CD4: variants seen among roughly 807,000 people sequenced by gnomAD.
The protein encoded by CD4 is T-cell surface glycoprotein CD4.
A neutral mutation model predicts 50.5 loss-of-function variants in CD4; 25 were observed. The observed-to-expected ratio is 0.49, with a 90% CI of 0.36 to 0.69. The LOEUF (loss-of-function observed/expected upper bound fraction) is 0.69, where lower values mean the gene tolerates loss of function less well. Ranked by LOEUF, CD4 falls within the 30% of genes least tolerant of loss-of-function variation. CD4 has a pLI of 0.00. For missense variants in CD4, 456 were observed against 548.5 expected (o/e 0.83, Z 1.68); for synonymous variants, 207 against 221.9 (o/e 0.93, Z 0.60).
Position 6,819,424 on chromosome 12 carries a change from C to A in CD4, c.*95C>A. 8.8e-7 allele frequency: 1 copy of A among 1,138,798 alleles called. No individual in the cohort carries two copies. Among genetic ancestry groups the A allele is most frequent in the Non-Finnish European group, 1.3e-6 (1 of 750,348 alleles). The allele number at this position is 1,138,798 out of a possible 1,614,324, so 70.5% of individuals were successfully genotyped here. A position where few individuals can be genotyped will look rare whatever the true frequency, so the allele number is the denominator to read the frequency against. On this transcript the variant is annotated 3_prime_UTR_variant, in exon 10 of 10. Transcript: ENST00000011653. ...CAGATGAATGTAGCAGATCCCCAGCCTCTGGCCTCCTGTTCGCCTCCTCTA... is the reference window on the plus strand; with the variant it reads ...CAGATGAATGTAGCAGATCCCCAGCATCTGGCCTCCTGTTCGCCTCCTCTA...
At chr12:6,793,970 A>ATATCTATATCTATC (rs1555114032) in intron 1 of CD4, among the ~76,000 whole-genome samples, 1 of 133,850 alleles carries the variant, frequency 7.5e-6, no homozygotes, top group Non-Finnish European at 1.6e-5. Context: ...CTATCTATCT[A>ATATCTATATCTATC]TATCTATCTA....
chr12:6,803,391 T>C (rs10128761), intron 3 of CD4, among the ~76,000 whole-genome samples: 45,835 of 149,666 alleles, frequency 0.31, 7,538 homozygotes, highest in Non-Finnish European at 0.37. Context: ...TCAAGTGATC[T>C]ACCCACCTTG....
intron 3 of CD4, among the ~76,000 whole-genome samples, chr12:6,806,964 G>GAGACCATCCTGGCTA (rs1555116270): frequency 6.6e-6 from 1 of 152,120 alleles, no homozygotes; most frequent in East Asian, 1.9e-4. Flanking sequence ...TCAGGAGATC[G>GAGACCATCCTGGCTA]AGACCATCCT....
At chr12:6,796,504 C>G (rs972923825) in intron 1 of CD4, among the ~76,000 whole-genome samples, 1 of 152,226 alleles carries the variant, frequency 6.6e-6, no homozygotes, top group Non-Finnish European at 1.5e-5. Context: ...TTCAAAGACA[C>G]TTGAGCCCTG....
chr12:6,811,586 G>A lies in CD4; in HGVS notation c.215-2556G>A, dbSNP rs1443303655. ...TGGCTCACTGCAATCTCCACCTCCCGGGTTCAAGCCATTCTCCTCCCTCAG... is the reference window on the plus strand; with the variant it reads ...TGGCTCACTGCAATCTCCACCTCCCAGGTTCAAGCCATTCTCCTCCCTCAG... On this transcript the variant is annotated intron_variant, in intron 3 of 9. Transcript: ENST00000011653. Among the ~76,000 whole-genome samples the A allele has an allele frequency of 4.8e-5, 7 of 147,118 alleles. 1 individual carries two copies. Among genetic ancestry groups the A allele is most frequent in the Middle Eastern group, 7.5e-3 (2 of 268 alleles).
chr12:6,809,308 C>T (rs1555116686), intron 3 of CD4, among the ~76,000 whole-genome samples: 1 of 152,084 alleles, frequency 6.6e-6, no homozygotes, highest in Non-Finnish European at 1.5e-5. Context: ...CCAGCCTGGG[C>T]AACAGGGCGA....
intron 3 of CD4, among the ~76,000 whole-genome samples, chr12:6,804,697 A>T (rs1405116916): frequency 1.3e-5 from 2 of 152,096 alleles, no homozygotes; most frequent in African/African-American, 4.8e-5. Context: ...ACATAGTGAG[A>T]CCTTGTCTCT....
intron 7 of CD4, among the ~76,000 whole-genome samples, chr12:6,817,862 C>CA (rs1472996909): frequency 6.7e-6 from 1 of 149,608 alleles, no homozygotes; most frequent in East Asian, 2.0e-4. Context: ...TGTACTCACA[C>CA]ATGCATGCAC....
rs552669070 is a variant in CD4, at chr12:6,800,183, A to G, written c.45A>G (p.Gln15=). The stretch of plus-strand genomic sequence containing the variant: ...TTAGGCACTTGCTTCTGGTGCTGCA[A>G]CTGGGTAAGTTCTCAGACCTGGGGT... ...VPFRHLLLVL[Q]LALLPAATQG... Residue 15 remains glutamine (Q), a synonymous_variant, in exon 2 of 10, where the codon CAA becomes CAG. Coordinates refer to ENST00000011653, the MANE Select transcript of CD4 (RefSeq NM_000616.5). The G allele has an allele frequency of 6.2e-7, 1 of 1,611,298 alleles. No individual in the cohort carries two copies. Among genetic ancestry groups the G allele is most frequent in the East Asian group, 2.2e-5 (1 of 44,726 alleles).
intron 3 of CD4, among the ~76,000 whole-genome samples, chr12:6,806,373 C>A (rs782129896): frequency 6.6e-6 from 1 of 151,782 alleles, no homozygotes; most frequent in Non-Finnish European, 1.5e-5. Context: ...GTATTCCCAA[C>A]GACACAGGAG....
chr12:6,818,447 C>G lies in CD4; in HGVS notation c.1183C>G (p.Gln395Glu). Reference protein sequence around the residue: ...KVLPTWSTPVQPMALIVLGGV... With the variant: ...KVLPTWSTPVEPMALIVLGGV... ...TCTGCCCACATGGTCCACCCCGGTG[C>G]AGCCAATGGCCCTGATTGTGCTGGG... Residue 395 changes from glutamine (Q) to glutamate (E), a missense_variant, in exon 8 of 10, where the codon CAG becomes GAG. Physicochemically the swap from Gln to Glu is conservative, Grantham distance 29. Coordinates refer to ENST00000011653, the MANE Select transcript of CD4 (RefSeq NM_000616.5). The surrounding 1 kb of genome is among the most constrained non-coding windows in gnomAD (Gnocchi z 5.0). 1 of 1,612,776 alleles carries G rather than the reference C, an allele frequency of 6.2e-7. No homozygotes were observed. The highest frequency in any genetic ancestry group is 8.5e-7 in the Non-Finnish European group (1 of 1,179,990).
intron 3 of CD4, among the ~76,000 whole-genome samples, chr12:6,812,525 C>T (rs1240777630): frequency 1.3e-5 from 2 of 151,934 alleles, no homozygotes; most frequent in Non-Finnish European, 2.9e-5. Context: ...ACTGAAAATA[C>T]AAAATTAGCC....
At position 6,816,048 on chromosome 12, in the gene CD4, A is replaced by G. The variant is rs200474867; in HGVS notation, c.608-8A>G. Reference sequence around the variant, plus strand: ...CCTCACCCAGGGTCTCTCCCTTCCCACCTCCAGCTTTCCAGAAGGCCTCCA... The same window carrying G: ...CCTCACCCAGGGTCTCTCCCTTCCCGCCTCCAGCTTTCCAGAAGGCCTCCA... On this transcript the variant is annotated splice_polypyrimidine_tract_variant and splice_region_variant and intron_variant, in intron 5 of 9. Coordinates refer to ENST00000011653, the MANE Select transcript of CD4 (RefSeq NM_000616.5). The surrounding 1 kb of genome is among the most constrained non-coding windows in gnomAD (Gnocchi z 4.9). 1.8e-5 allele frequency: 29 copies of G among 1,613,456 alleles called. No individual in the cohort carries two copies. The highest frequency in any genetic ancestry group is 2.4e-5 in the Non-Finnish European group (28 of 1,179,900).
chr12:6,790,459 C>A (rs1248910861), intron 1 of CD4, among the ~76,000 whole-genome samples: 1 of 152,210 alleles, frequency 6.6e-6, no homozygotes, highest in African/African-American at 2.4e-5. Flanking sequence ...TGAAACTGAG[C>A]TTTTGCGTAT....
Position 6,820,355 on chromosome 12 carries a change from G to C in CD4, c.*1026G>C, listed in dbSNP as rs202053313. ...GGCTCTTCTAATCAGAGCGCAAGCT[G>C]GGAGCACAGGCACTGCAGGAGAGAA... On this transcript the variant is annotated 3_prime_UTR_variant, in exon 10 of 10. Transcript: ENST00000011653. The C allele has an allele frequency of 6.6e-6, 1 of 152,270 alleles. No individual in the cohort carries two copies. The highest frequency in any genetic ancestry group is 1.5e-5 in the Non-Finnish European group (1 of 68,050). The allele number at this position is 152,270 out of a possible 1,614,324, so 9.4% of individuals were successfully genotyped here. A position where few individuals can be genotyped will look rare whatever the true frequency, so the allele number is the denominator to read the frequency against.
rs1290764896 is a variant in CD4, at chr12:6,789,544, A to C, written c.-186A>C. On this transcript the variant is annotated 5_prime_UTR_variant, in exon 1 of 10. Transcript: ENST00000011653. ...GCTTCCTGTCTCTCTTCATTTAAGC[A>C]CGACTCTGCAGAAGGAACAAAGCAC... is the stretch of plus-strand genomic sequence containing the variant. The C allele has an allele frequency of 6.6e-6, 1 of 152,210 alleles. No individual in the cohort carries two copies. The highest frequency in any genetic ancestry group is 2.4e-5 in the African/African-American group (1 of 41,430). The allele number at this position is 152,210 out of a possible 1,614,324, so 9.4% of individuals were successfully genotyped here.
chr12:6,802,813 T>C (rs781954212), intron 3 of CD4, among the ~76,000 whole-genome samples: 98 of 152,260 alleles, frequency 6.4e-4, no homozygotes, highest in African/African-American at 1.9e-3. Context: ...CTCAGCTCGC[T>C]GCAACCTCTG....
At position 6,819,489 on chromosome 12, in the gene CD4, A is replaced by G; in HGVS notation, c.*160A>G. 1.5e-6 allele frequency: 1 copy of G among 685,604 alleles called. No homozygotes were observed. The highest frequency in any genetic ancestry group is 2.6e-6 in the Non-Finnish European group (1 of 385,390). 42.5% of individuals were successfully genotyped at this position (685,604 alleles called of 1,614,324 possible). A position where few individuals can be genotyped will look rare whatever the true frequency, so the allele number is the denominator to read the frequency against. On this transcript the variant is annotated 3_prime_UTR_variant, in exon 10 of 10. Coordinates refer to ENST00000011653, the MANE Select transcript of CD4 (RefSeq NM_000616.5). Reference sequence around the variant, plus strand: ...TTCTCCTGGGTTAGGCCCCGGCTTCACTGGTTGAGTGTTGCTCTCTAGTTT... The same window carrying G: ...TTCTCCTGGGTTAGGCCCCGGCTTCGCTGGTTGAGTGTTGCTCTCTAGTTT...
At position 6,800,097 on chromosome 12, in the gene CD4, T is replaced by C. The variant is rs1372641204; in HGVS notation, c.-42T>C. 1 of 1,591,736 alleles carries C rather than the reference T, an allele frequency of 6.3e-7. No homozygotes were observed. Among genetic ancestry groups the C allele is most frequent in the Non-Finnish European group, 8.6e-7 (1 of 1,160,172 alleles). ...GCCCTGCCATTTCTGTGGGCTCAGG[T>C]CCCTACTGGCTCAGGCCCCTGCCTC... On this transcript the variant is annotated 5_prime_UTR_variant, in exon 2 of 10. Coordinates refer to ENST00000011653, the MANE Select transcript of CD4 (RefSeq NM_000616.5).
Sources: allele counts gnomAD v4.1 joint callset (sites outside exome capture counted in the v4.1 genomes callset), GRCh38; gene constraint gnomAD v4.1.1; non-coding constraint Gnocchi (gnomAD v3.1); transcripts MANE v1.5; gene names NCBI Gene and HGNC (gene_info 2026-07-23, HGNC 2026-07-21).